Variants in PTPRD observed in about 807,000 individuals in gnomAD.
The protein encoded by PTPRD is protein tyrosine phosphatase receptor type D.
In PTPRD, 34 loss-of-function variants were observed where a neutral mutation model predicts 214.5. That is an observed-to-expected ratio of 0.16 (90% confidence interval 0.12 to 0.21). The LOEUF (loss-of-function observed/expected upper bound fraction) is 0.21, where lower values mean the gene tolerates loss of function less well. PTPRD is among the 10% of genes least tolerant of loss of function. The pLI is 1.00. For missense variants in PTPRD, 2,545 were observed against 2,398.7 expected (o/e 1.06, Z -1.27); for synonymous variants, 1,128 against 845.7 (o/e 1.33, Z -5.79).
intron 14 of PTPRD, among the ~76,000 whole-genome samples, chr9:8,543,089 G>A (rs925923727): frequency 2.6e-5 from 4 of 152,220 alleles, no homozygotes; most frequent in Non-Finnish European, 2.9e-5. Flanking sequence ...ATAACTCACG[G>A]CTGTCACATT....
At chr9:8,344,650 G>C (rs1000405331) in intron 39 of PTPRD, among the ~76,000 whole-genome samples, 1 of 152,090 alleles carries the variant, frequency 6.6e-6, no homozygotes, top group South Asian at 2.1e-4. Context: ...GGAACTTAAT[G>C]TGTTACCTTC....
At chr9:10,326,206 G>A (rs181039975) in intron 3 of PTPRD, among the ~76,000 whole-genome samples, 34 of 151,798 alleles carry the variant, frequency 2.2e-4, no homozygotes, top group Non-Finnish European at 3.0e-5. Flanking sequence ...GCTAGACTGG[G>A]CAATTTTTGT....
chr9:9,630,256 T>A (rs2095548191), intron 7 of PTPRD, among the ~76,000 whole-genome samples: 2 of 152,194 alleles, frequency 1.3e-5, no homozygotes, highest in Admixed American at 6.5e-5. Flanking sequence ...TTCATTTAGG[T>A]CATAGACAAC....
chr9:10,327,377 A>G (rs924619889), intron 3 of PTPRD, among the ~76,000 whole-genome samples: 1 of 151,580 alleles, frequency 6.6e-6, no homozygotes, highest in Non-Finnish European at 1.5e-5. Flanking sequence ...TATTTGAGAT[A>G]AATTGATCAT....
At chr9:8,423,164 G>T (rs1338603092) in intron 35 of PTPRD, among the ~76,000 whole-genome samples, 1 of 152,120 alleles carries the variant, frequency 6.6e-6, no homozygotes, top group Admixed American at 6.6e-5. Flanking sequence ...CAGCAAGAGA[G>T]AAAGAATCTA....
At chr9:10,452,378 A>T (rs1052027071) in intron 2 of PTPRD, among the ~76,000 whole-genome samples, 8 of 150,380 alleles carry the variant, frequency 5.3e-5, no homozygotes, top group Admixed American at 1.3e-4. Flanking sequence ...CTCTATTTTT[A>T]TTTTTTTTTG....
intron 10 of PTPRD, among the ~76,000 whole-genome samples, chr9:9,070,596 G>T (rs544222303): frequency 1.3e-5 from 2 of 152,184 alleles, no homozygotes; most frequent in South Asian, 4.1e-4. Context: ...ATTAGTTACA[G>T]TCTTTTAAAT....
At chr9:8,446,858 C>G (rs1180020911) in intron 34 of PTPRD, among the ~76,000 whole-genome samples, 1 of 152,084 alleles carries the variant, frequency 6.6e-6, no homozygotes, top group Non-Finnish European at 1.5e-5. Context: ...GAAGAACAAC[C>G]ACAAAAGGGT....
Position 9,925,182 on chromosome 9 carries a change from G to T in PTPRD, c.-368+13325C>A, listed in dbSNP as rs185390150. Among the ~76,000 whole-genome samples the T allele has an allele frequency of 3.4e-3, 515 of 152,050 alleles. 6 individuals are homozygous for T. The highest frequency in any genetic ancestry group is 0.012 in the African/African-American group (486 of 41,506). On this transcript the variant is annotated intron_variant, in intron 5 of 45. Transcript: ENST00000381196. The stretch of plus-strand genomic sequence containing the variant: ...TACAATTTGCTCACAAATTTTTAGT[G>T]GCAATGATCACTTATACTACTGTAG...
At chr9:8,792,563 T>G (rs183070451) in intron 11 of PTPRD, among the ~76,000 whole-genome samples, 1 of 152,192 alleles carries the variant, frequency 6.6e-6, no homozygotes, top group Non-Finnish European at 1.5e-5. Flanking sequence ...GACTACTGAC[T>G]TAAATTCATT....
chr9:8,947,532 C>A (rs1043485267), intron 11 of PTPRD, among the ~76,000 whole-genome samples: 3 of 151,520 alleles, frequency 2.0e-5, no homozygotes, highest in Non-Finnish European at 4.4e-5. Flanking sequence ...TAGGTTTAGC[C>A]TTAGAAAAAG....
intron 6 of PTPRD, among the ~76,000 whole-genome samples, chr9:9,761,179 CACAT>C (rs1164655726): frequency 1.8e-4 from 27 of 152,240 alleles, no homozygotes; most frequent in Admixed American, 5.9e-4. Context: ...TAAACTGTAG[CACAT>C]ACATACAATG....
chr9:8,385,286 G>T (rs945293716), intron 37 of PTPRD, among the ~76,000 whole-genome samples: 1 of 152,138 alleles, frequency 6.6e-6, no homozygotes, highest in African/African-American at 2.4e-5. Context: ...AAACACTTTG[G>T]GGGGCCAAGG....
At chr9:10,212,334 A>G (rs2099521203) in intron 3 of PTPRD, among the ~76,000 whole-genome samples, 1 of 152,176 alleles carries the variant, frequency 6.6e-6, no homozygotes, top group African/African-American at 2.4e-5. Flanking sequence ...GGTAGCAGCT[A>G]AGCATAAACG....
chr9:8,740,991 G>C (rs1243489306), intron 11 of PTPRD, among the ~76,000 whole-genome samples: 1 of 152,084 alleles, frequency 6.6e-6, no homozygotes, highest in Non-Finnish European at 1.5e-5. Context: ...AGAAAAAAAA[G>C]TCAATAGCTA....
At chr9:9,194,889 A>G (rs1428044682) in intron 9 of PTPRD, among the ~76,000 whole-genome samples, 1 of 151,852 alleles carries the variant, frequency 6.6e-6, no homozygotes, top group Non-Finnish European at 1.5e-5. Flanking sequence ...TAAAGTTTGT[A>G]TCTTTAGTAA....
At chr9:10,482,187 C>A (rs551401127) in intron 2 of PTPRD, among the ~76,000 whole-genome samples, 3 of 151,866 alleles carry the variant, frequency 2.0e-5, no homozygotes, top group South Asian at 2.1e-4. Context: ...CCGGCTAACA[C>A]AGTGAAACCC....
chr9:9,782,244 C>T (rs113865122), intron 5 of PTPRD, among the ~76,000 whole-genome samples: 90 of 152,256 alleles, frequency 5.9e-4, no homozygotes, highest in African/African-American at 2.0e-3. Flanking sequence ...TCAGTAAACA[C>T]TCCCTGGATG....
At chr9:9,371,518 T>C (rs570068930) in intron 9 of PTPRD, among the ~76,000 whole-genome samples, 77 of 152,332 alleles carry the variant, frequency 5.1e-4, no homozygotes, top group African/African-American at 1.8e-3. Context: ...TCTTTATTAG[T>C]CTTGCTAGTG....
Sources: gnomAD v4.1 joint callset for allele counts (sites outside exome capture counted in the v4.1 genomes callset) on GRCh38, gnomAD v4.1.1 for gene constraint, MANE v1.5 for transcripts, NCBI Gene and HGNC (gene_info 2026-07-23, HGNC 2026-07-21) for gene names.